Variants in PRDX1 observed in about 807,000 individuals in gnomAD.
PRDX1 encodes the protein peroxiredoxin 1, also known as peroxiredoxin-1.
PRDX1 carries 19 observed loss-of-function variants against 20.7 expected under a neutral mutation model. The observed-to-expected ratio is 0.92, with a 90% CI of 0.64 to 1.35. The LOEUF (loss-of-function observed/expected upper bound fraction) is 1.35. Ranked by LOEUF, PRDX1 falls within the 40% of genes most tolerant of loss-of-function variation. PRDX1 has a pLI of 0.00. For missense variants in PRDX1, 226 were observed against 240.0 expected, an observed-to-expected ratio of 0.94 and a Z score of 0.38; for synonymous variants, 89 against 83.9, an observed-to-expected ratio of 1.06 and a Z score of -0.33.
intron 2 of PRDX1, among the ~76,000 whole-genome samples, chr1:45,517,227 G>A (rs1643870128): frequency 1.3e-5 from 2 of 152,062 alleles, no homozygotes; most frequent in Admixed American, 6.5e-5. Flanking sequence ...CCTCCCTATG[G>A]TGCAACTTAC....
chr1:45,518,696 T>A (rs183499759), intron 2 of PRDX1, among the ~76,000 whole-genome samples: 1 of 152,118 alleles, frequency 6.6e-6, no homozygotes, highest in Non-Finnish European at 1.5e-5. Flanking sequence ...ACTGAAAAGA[T>A]AATTGAGCTA....
At chr1:45,517,198 T>C (rs527477878) in intron 2 of PRDX1, among the ~76,000 whole-genome samples, 2 of 152,228 alleles carry the variant, frequency 1.3e-5, no homozygotes, top group East Asian at 3.9e-4. Context: ...CTCCTGCTTA[T>C]ACCCCTGGGC....
At chr1:45,521,505 T>G (rs1643912998) in intron 1 of PRDX1, 1 of 151,764 alleles carries the variant, frequency 6.6e-6, no homozygotes, top group Non-Finnish European at 1.5e-5. Context: ...ACCCACCCCG[T>G]CCGGCAGGAG....
intron 1 of PRDX1, among the ~76,000 whole-genome samples, chr1:45,520,447 G>A (rs1158727258): frequency 1.3e-5 from 2 of 152,096 alleles, no homozygotes; most frequent in Non-Finnish European, 2.9e-5. Flanking sequence ...TCTTGGCCAA[G>A]CGCTGTGGCT....
chr1:45,517,921 G>A (rs1027507808), intron 2 of PRDX1, among the ~76,000 whole-genome samples: 11 of 141,718 alleles, frequency 7.8e-5, no homozygotes, highest in Non-Finnish European at 1.6e-4. Context: ...TGATATATAC[G>A]TGACCCAAAC....
chr1:45,522,115 G>T (rs1031175957), upstream of PRDX1, among the ~76,000 whole-genome samples: 7 of 152,166 alleles, frequency 4.6e-5, no homozygotes, highest in African/African-American at 7.2e-5. Flanking sequence ...CCTTGTGGCC[G>T]CTCCCGAACC....
intron 1 of PRDX1, among the ~76,000 whole-genome samples, chr1:45,520,887 G>C (rs993165729): frequency 1.3e-5 from 2 of 151,376 alleles, no homozygotes; most frequent in African/African-American, 4.9e-5. Flanking sequence ...CTGGCCGACA[G>C]AGCGAGACTC....
At chr1:45,521,060 C>T (rs1446443365) in intron 1 of PRDX1, among the ~76,000 whole-genome samples, 1 of 152,154 alleles carries the variant, frequency 6.6e-6, no homozygotes, top group Admixed American at 6.5e-5. Flanking sequence ...CCTTTAACGA[C>T]AAAAAACAAA....
intron 2 of PRDX1, among the ~76,000 whole-genome samples, chr1:45,516,746 A>C (rs1310028588): frequency 2.6e-5 from 4 of 152,104 alleles, no homozygotes; most frequent in African/African-American, 9.7e-5. Flanking sequence ...ATGGTGGCTG[A>C]CGTCTGTAAT....
In PRDX1 at chr1:45,514,944, C is replaced by T. The variant is rs945158890; in HGVS notation, c.312G>A (p.Leu104=). The T allele has an allele frequency of 1.2e-6, 2 of 1,614,062 alleles. No individual in the cohort carries two copies. Among genetic ancestry groups the T allele is most frequent in the African/African-American group, 2.7e-5 (2 of 74,922 alleles). The stretch of plus-strand genomic sequence containing the variant: ...CAATGGTGCGCTTCGGGTCTGATAC[C>T]AAAGGAATGTTCATGGGTCCCAGTC... ...QGGLGPMNIP[L]VSDPKRTIAQ... Residue 104 remains leucine, a synonymous_variant, in exon 4 of 6, where the codon TTG becomes TTA. Coordinates refer to ENST00000319248, the MANE Select transcript of PRDX1 (RefSeq NM_181697.3).
intron 2 of PRDX1, among the ~76,000 whole-genome samples, chr1:45,516,275 TG>T (rs2149328295): frequency 6.6e-6 from 1 of 152,320 alleles, no homozygotes; most frequent in South Asian, 2.1e-4. Flanking sequence ...ACCATAGTAA[TG>T]GAACAAGCAT....
rs1000688178 is a variant in PRDX1, at chr1:45,512,743, C to G, written c.515-1329G>C. ...GGGCCTACTTTGCCACTGCTGCCTCCTTCTTAATGCTGAACCTCATCTCCC... is the reference window on the plus strand; with the variant it reads ...GGGCCTACTTTGCCACTGCTGCCTCGTTCTTAATGCTGAACCTCATCTCCC... On this transcript the variant is annotated intron_variant, in intron 5 of 5. Transcript: ENST00000319248. The G allele has an allele frequency of 3.9e-5, 6 of 152,302 alleles. No homozygotes were observed. In the South Asian group the frequency reaches 1.2e-3, roughly 32 times the overall value. The allele number at this position is 152,302 out of a possible 1,614,324, so 9.4% of individuals were successfully genotyped here.
chr1:45,511,174 G>A lies in PRDX1; in HGVS notation c.*155C>T. 4 of 627,184 alleles carry A rather than the reference G, an allele frequency of 6.4e-6. No homozygotes were observed. Among genetic ancestry groups the A allele is most frequent in the Non-Finnish European group, 1.1e-5 (4 of 366,278 alleles). The allele number at this position is 627,184 out of a possible 1,614,324, so 38.9% of individuals were successfully genotyped here. Reference sequence around the variant, plus strand: ...ATTCCTACCAAAGGAAGAAAGGCTGGTCTCTCCACCCCCTGTAGGAAAGGC... The same window carrying A: ...ATTCCTACCAAAGGAAGAAAGGCTGATCTCTCCACCCCCTGTAGGAAAGGC... On this transcript the variant is annotated 3_prime_UTR_variant, in exon 6 of 6. Transcript: ENST00000319248.
At chr1:45,515,055 C>A in intron 3 of PRDX1, 60 bp from the exon 4 acceptor site, 1 of 1,582,854 alleles carries the variant, frequency 6.3e-7, no homozygotes, top group Non-Finnish European at 8.6e-7. Context: ...GTACGCATTC[C>A]TCTTTCCCCT....
chr1:45,513,802 G>A (rs1410636003), intron 5 of PRDX1, among the ~76,000 whole-genome samples: 1 of 152,198 alleles, frequency 6.6e-6, no homozygotes, highest in African/African-American at 2.4e-5. Context: ...CACAAACACT[G>A]CGGAAGGCCA....
chr1:45,514,367 ATTTC>A (rs1159836809), intron 5 of PRDX1, 136 bp downstream of exon 5: 21 of 1,102,708 alleles, frequency 1.9e-5, no homozygotes, highest in Non-Finnish European at 2.2e-5. Context: ...GGGCCCCCTT[ATTTC>A]TTTCTCTATA....
intron 2 of PRDX1, among the ~76,000 whole-genome samples, chr1:45,517,576 T>C (rs1040060196): frequency 5.3e-5 from 8 of 151,816 alleles, no homozygotes; most frequent in Non-Finnish European, 1.0e-4. Flanking sequence ...GGTCAGGAGA[T>C]CGAGACCATC....
intron 1 of PRDX1, among the ~76,000 whole-genome samples, chr1:45,520,679 C>CCACTGCACTCAGCCGAGATCG (rs1643903163): frequency 7.0e-6 from 1 of 143,358 alleles, no homozygotes; most frequent in African/African-American, 2.6e-5. Context: ...AGCCGAGATC[C>CCACTGCACTCAGCCGAGATCG]AGCCACTGCA....
chr1:45,511,185 C>T lies in PRDX1; in HGVS notation c.*144G>A. The T allele has an allele frequency of 1.5e-6, 1 of 687,416 alleles. No individual in the cohort carries two copies. The allele number at this position is 687,416 out of a possible 1,614,324, so 42.6% of individuals were successfully genotyped here. ...AGGAAGAAAGGCTGGTCTCTCCACCCCCTGTAGGAAAGGCCTGCCTTGTAA... is the reference window on the plus strand; with the variant it reads ...AGGAAGAAAGGCTGGTCTCTCCACCTCCTGTAGGAAAGGCCTGCCTTGTAA... On this transcript the variant is annotated 3_prime_UTR_variant, in exon 6 of 6. Coordinates refer to ENST00000319248, the MANE Select transcript of PRDX1 (RefSeq NM_181697.3).
Sources: gnomAD v4.1 joint callset for allele counts (sites outside exome capture counted in the v4.1 genomes callset) on GRCh38, gnomAD v4.1.1 for gene constraint, MANE v1.5 for transcripts, NCBI Gene and HGNC (gene_info 2026-07-23, HGNC 2026-07-21) for gene names.